The following RPRD1B variants were observed in gnomAD, a reference collection of about 807,000 sequenced individuals.
RPRD1B encodes the protein regulation of nuclear pre-mRNA domain containing 1B, also known as regulation of nuclear pre-mRNA domain-containing protein 1B.
Under a neutral mutation model 41.5 loss-of-function variants are expected in RPRD1B, and 11 were observed. That is an observed-to-expected ratio of 0.27 (90% confidence interval 0.17 to 0.44). The LOEUF is 0.44. Ranked by LOEUF, RPRD1B falls within the 20% of genes least tolerant of loss-of-function variation. RPRD1B has a pLI of 1.00. For missense variants in RPRD1B, 248 were observed against 389.9 expected, an observed-to-expected ratio of 0.64 and a Z score of 3.06; for synonymous variants, 158 against 155.6, an observed-to-expected ratio of 1.02 and a Z score of -0.12.
At chr20:38,081,631 G>A (rs960155508) in intron 6 of RPRD1B, among the ~76,000 whole-genome samples, 13 of 152,082 alleles carry the variant, frequency 8.5e-5, no homozygotes, top group Admixed American at 3.9e-4. Flanking sequence ...TCTTATTCTG[G>A]CTCTCAAGGG....
chr20:38,071,634 A>C (rs2074414318), intron 6 of RPRD1B, among the ~76,000 whole-genome samples: 1 of 152,216 alleles, frequency 6.6e-6, no homozygotes, highest in South Asian at 2.1e-4. Flanking sequence ...CACAGCAGCT[A>C]CATCATTTTA....
At chr20:38,068,512 C>T (rs1036428524) in intron 6 of RPRD1B, among the ~76,000 whole-genome samples, 1 of 152,172 alleles carries the variant, frequency 6.6e-6, no homozygotes, top group Admixed American at 6.5e-5. Context: ...CCGTCTCAGC[C>T]TCCTGAGTAG....
intron 6 of RPRD1B, chr20:38,070,588 T>C (rs2074401921): frequency 2.0e-6 from 2 of 985,446 alleles, no homozygotes; most frequent in Middle Eastern, 5.2e-4. Flanking sequence ...GTTCCTGTCT[T>C]GTCAGCGTGA....
intron 6 of RPRD1B, among the ~76,000 whole-genome samples, chr20:38,081,661 C>T (rs1446801815): frequency 2.6e-5 from 4 of 152,080 alleles, no homozygotes; most frequent in Non-Finnish European, 5.9e-5. Context: ...CAGCTTTTGC[C>T]TGTTGAGTAT....
At chr20:38,071,863 A>G (rs2074416361) in intron 6 of RPRD1B, among the ~76,000 whole-genome samples, 1 of 152,154 alleles carries the variant, frequency 6.6e-6, no homozygotes, top group Admixed American at 6.5e-5. Flanking sequence ...CCCATTTTCA[A>G]ATTGGGTTAT....
At chr20:38,065,475 G>A (rs911324297) in intron 5 of RPRD1B, among the ~76,000 whole-genome samples, 3 of 152,182 alleles carry the variant, frequency 2.0e-5, no homozygotes, top group African/African-American at 7.2e-5. Flanking sequence ...CCCTTAAATG[G>A]TGTCGGATTT....
chr20:38,085,433 A>G (rs902412316), intron 6 of RPRD1B: 2 of 152,154 alleles, frequency 1.3e-5, no homozygotes, highest in Admixed American at 6.6e-5. Context: ...TGGGCACATC[A>G]TTTTTCTACC....
At chr20:38,054,230 A>G (rs1182320294) in intron 3 of RPRD1B, among the ~76,000 whole-genome samples, 1 of 152,194 alleles carries the variant, frequency 6.6e-6, no homozygotes, top group African/African-American at 2.4e-5. Flanking sequence ...CGTAATGGAA[A>G]TAGGTAGCTC....
intron 3 of RPRD1B, 136 bp from the exon 4 acceptor site, chr20:38,057,396 A>G (rs1308269310): frequency 4.9e-6 from 3 of 616,408 alleles, no homozygotes; most frequent in Non-Finnish European, 8.9e-6. Context: ...AATAACTAGC[A>G]TAAAGGTTAC....
At chr20:38,048,549 G>A in intron 3 of RPRD1B, 68 bp downstream of exon 3, 1 of 1,541,210 alleles carries the variant, frequency 6.5e-7, no homozygotes, top group Non-Finnish European at 8.8e-7. Context: ...ATGAAAAGCT[G>A]CAGTGGGGTT....
chr20:38,058,385 G>A (rs2074264755), intron 4 of RPRD1B, among the ~76,000 whole-genome samples: 1 of 150,096 alleles, frequency 6.7e-6, no homozygotes, highest in Non-Finnish European at 1.5e-5. Context: ...GGGATTAAAT[G>A]ACAGCAGTGT....
intron 6 of RPRD1B, 31 bp downstream of exon 6, chr20:38,066,287 C>T (rs758113432): frequency 1.3e-6 from 2 of 1,596,340 alleles, no homozygotes; most frequent in Non-Finnish European, 1.7e-6. Context: ...CCCAGACTGC[C>T]CACGTTTCCC....
rs2122737101 is a variant in RPRD1B at position 38,066,168 on chromosome 20, T to C, written c.743T>C (p.Leu248Pro). The C allele has an allele frequency of 6.2e-7, 1 of 1,614,178 alleles. No individual in the cohort carries two copies. Among genetic ancestry groups the C allele is most frequent in the Admixed American group, 1.7e-5 (1 of 60,016 alleles). The change falls in exon 6 of 7, where the codon CTG (leucine) becomes CCG (proline). Residue 248 changes from leucine (L) to proline (P), a missense_variant. Leu to Pro is a moderately conservative substitution (Grantham distance 98). Coordinates refer to ENST00000373433, the MANE Select transcript of RPRD1B (RefSeq NM_021215.4). ...AEYNGRLAAE[L>P]EDRRQLARML... ...TATAACGGGCGCCTGGCAGCAGAAC[T>C]GGAGGACCGTCGCCAGCTGGCTCGG...
intron 6 of RPRD1B, among the ~76,000 whole-genome samples, chr20:38,086,060 C>T (rs6123341): frequency 6.6e-6 from 1 of 152,122 alleles, no homozygotes; most frequent in Admixed American, 6.5e-5. Context: ...AGTGATCCAC[C>T]TGCCTCAGCC....
intron 6 of RPRD1B, among the ~76,000 whole-genome samples, chr20:38,078,297 C>T (rs2074483325): frequency 6.6e-6 from 1 of 152,180 alleles, no homozygotes; most frequent in South Asian, 2.1e-4. Flanking sequence ...TGCACTTGGC[C>T]TTCTTTGATC....
chr20:38,053,972 T>A (rs769848473), intron 3 of RPRD1B, among the ~76,000 whole-genome samples: 1 of 152,100 alleles, frequency 6.6e-6, no homozygotes, highest in Non-Finnish European at 1.5e-5. Context: ...CAATCCCCCA[T>A]GGATACTGAG....
intron 3 of RPRD1B, chr20:38,048,694 C>T: frequency 6.1e-6 from 4 of 657,968 alleles, no homozygotes; most frequent in Non-Finnish European, 7.5e-6. Context: ...CACACCCTGA[C>T]TTTTGCTCTC....
Position 38,047,519 on chromosome 20 carries a change from C to T in RPRD1B, c.282-829C>T, listed in dbSNP as rs986289817. Among the ~76,000 whole-genome samples, 2 of 139,810 alleles carry T rather than the reference C, an allele frequency of 1.4e-5. 1 individual carries two copies. The highest frequency in any genetic ancestry group is 1.4e-4 in the Admixed American group (2 of 14,702). The allele number at this position is 139,810 out of a possible 152,430, so 91.7% of individuals were successfully genotyped here. On this transcript the variant is annotated intron_variant, in intron 2 of 6. Transcript: ENST00000373433. The stretch of plus-strand genomic sequence containing the variant: ...CAGTATAAGATCGTTGCCATTTAAA[C>T]CCCCTCACAAAACAGAAGATTTCAT...
chr20:38,081,285 CTGATTAGCTGTATTTTATTCTTTT>C (rs1316820941), intron 6 of RPRD1B, among the ~76,000 whole-genome samples: 1 of 152,092 alleles, frequency 6.6e-6, no homozygotes, highest in African/African-American at 2.4e-5. Context: ...TTTCACCTCC[CTGATTAGCTGTATTTTATTCTTTT>C]TGTGGCTTTT....
Sources: gnomAD v4.1 joint callset for allele counts (sites outside exome capture counted in the v4.1 genomes callset) on GRCh38, gnomAD v4.1.1 for gene constraint, MANE v1.5 for transcripts, NCBI Gene and HGNC (gene_info 2026-07-23, HGNC 2026-07-21) for gene names.